The following FCHO1 variants were observed in gnomAD, a reference collection of about 807,000 sequenced individuals.
FCHO1 encodes F-BAR domain only protein 1.
FCHO1 carries 45 observed loss-of-function variants against 114.4 expected under a neutral mutation model. The ratio of observed to expected loss-of-function variants is 0.39; its 90% confidence interval spans 0.31 to 0.50. The LOEUF (loss-of-function observed/expected upper bound fraction) is 0.50. FCHO1 is among the 20% of genes least tolerant of loss of function. FCHO1 has a pLI of 0.77. For synonymous variants in FCHO1, 480 were observed against 488.9 expected (o/e 0.98, Z 0.24); for missense variants, 1,042 against 1,209.6 (o/e 0.86, Z 2.06).
chr19:17,778,616 C>CCCA lies in FCHO1; in HGVS notation c.1359_1360insCCA (p.Ser453_Ser454insPro). 6.4e-7 allele frequency: 1 copy of CCCA among 1,561,456 alleles called. No individual in the cohort carries two copies. Among genetic ancestry groups the CCCA allele is most frequent in the African/African-American group, 1.4e-5 (1 of 73,670 alleles). On this transcript the variant is annotated inframe_insertion, in exon 20 of 29. Transcript: ENST00000596536. ...CCCGCTTCCCTCCCCAAGGCTCTAG[C>CCCA]AGCCTGGGCTTCACCTCCAGCCCCT...
At chr19:17,764,996 G>A (rs938479987) in intron 6 of FCHO1, among the ~76,000 whole-genome samples, 2 of 151,484 alleles carry the variant, frequency 1.3e-5, no homozygotes, top group Middle Eastern at 3.2e-3. Context: ...CCCAGGAGGC[G>A]GAGGTTGCAG....
chr19:17,777,429 G>C (rs919801086), intron 18 of FCHO1, among the ~76,000 whole-genome samples: 1 of 147,726 alleles, frequency 6.8e-6, no homozygotes, highest in Non-Finnish European at 1.5e-5. Flanking sequence ...CCAGCTATTC[G>C]AGAGGGTGAG....
At chr19:17,782,065 A>G (rs1007537297) in intron 23 of FCHO1, among the ~76,000 whole-genome samples, 4 of 145,970 alleles carry the variant, frequency 2.7e-5, no homozygotes, top group African/African-American at 7.8e-5. Context: ...GCAGTGGTGC[A>G]ATCTCGCAAT....
At chr19:17,786,666 G>GGA in intron 27 of FCHO1, 37 bp downstream of exon 27, 4 of 496,984 alleles carry the variant, frequency 8.0e-6, no homozygotes, top group African/African-American at 2.1e-5. Context: ...GGGTGGGAGG[G>GGA]ACTGGGGTCA....
chr19:17,749,391 C>T (rs1039987683), upstream of FCHO1, among the ~76,000 whole-genome samples: 1 of 152,074 alleles, frequency 6.6e-6, no homozygotes, highest in African/African-American at 2.4e-5. Flanking sequence ...TCTGTAAATA[C>T]AGACATGATT....
Position 17,770,701 on chromosome 19 carries a change from C to T in FCHO1, c.490-91C>T, listed in dbSNP as rs2091251804. ...CCTGTGGGTGATCACACCCTGGGTACCCCGAGGAGTTCACCTGCCAGGTGA... is the reference window on the plus strand; with the variant it reads ...CCTGTGGGTGATCACACCCTGGGTATCCCGAGGAGTTCACCTGCCAGGTGA... On this transcript the variant is annotated intron_variant, in intron 8 of 28. Coordinates refer to ENST00000596536, the MANE Select transcript of FCHO1 (RefSeq NM_015122.3). 4 of 1,582,368 alleles carry T rather than the reference C, an allele frequency of 2.5e-6. No individual in the cohort carries two copies. In the Admixed American group the frequency reaches 6.8e-5, roughly 27 times the overall value.
chr19:17,778,946 G>C (rs1484800065), intron 20 of FCHO1, 62 bp downstream of exon 20: 1 of 1,448,170 alleles, frequency 6.9e-7, no homozygotes, highest in Non-Finnish European at 9.1e-7. Context: ...TTGAGCGCCT[G>C]CTTTGGGCAG....
intron 20 of FCHO1, among the ~76,000 whole-genome samples, chr19:17,779,553 CAAGG>C (rs1599745842): frequency 2.3e-5 from 3 of 131,236 alleles, no homozygotes; most frequent in East Asian, 2.2e-4. Flanking sequence ...GGAGCGGAGT[CAAGG>C]GAGGGAGGAG....
chr19:17,766,927 T>A (rs2089436762), intron 7 of FCHO1, 117 bp downstream of exon 7: 1 of 1,118,694 alleles, frequency 8.9e-7, no homozygotes, highest in Non-Finnish European at 1.3e-6. Context: ...AGAATTCCGT[T>A]AATTCCACAA....
chr19:17,752,636 T>A (rs1812396960), intron 1 of FCHO1, among the ~76,000 whole-genome samples: 1 of 149,600 alleles, frequency 6.7e-6, no homozygotes, highest in African/African-American at 2.5e-5. Context: ...TTGTGGCTCA[T>A]GGCTGTAATC....
chr19:17,766,783 C>A lies in FCHO1; in HGVS notation c.309C>A (p.Gly103=). 1 of 1,614,080 alleles carries A rather than the reference C, an allele frequency of 6.2e-7. No individual in the cohort carries two copies. Among genetic ancestry groups the A allele is most frequent in the South Asian group, 1.1e-5 (1 of 91,064 alleles). Reference sequence around the variant, plus strand: ...TCATCAAGGACGTTCTCCGCTACGGCGAGGAACAGCTCAAGACCCACAAGA... The same window carrying A: ...TCATCAAGGACGTTCTCCGCTACGGAGAGGAACAGCTCAAGACCCACAAGA... The part of the protein sequence containing the change: ...QDLIKDVLRY[G]EEQLKTHKKC... Residue 103 remains glycine (G), a synonymous_variant, in exon 7 of 29, where the codon GGC becomes GGA. Coordinates refer to ENST00000596536, the MANE Select transcript of FCHO1 (RefSeq NM_015122.3).
Position 17,770,859 on chromosome 19 carries a change from G to A in FCHO1, c.557G>A (p.Arg186Gln), listed in dbSNP as rs147599881. ...RRSVEKYNSA[R>Q]ADFEQKMLDS... is the part of the protein sequence containing the mutation. ...TCAGTGGAAAAATACAACTCAGCCCGAGCTGACTTTGAGCAGAAGATGCTG... is the reference window on the plus strand; with the variant it reads ...TCAGTGGAAAAATACAACTCAGCCCAAGCTGACTTTGAGCAGAAGATGCTG... The change falls in exon 9 of 29, where the codon CGA becomes CAA. Residue 186 changes from arginine (R) to glutamine (Q), a missense_variant. Physicochemically the swap from Arg to Gln is conservative, Grantham distance 43. This residue lies in a region of FCHO1 where 450 missense variants were observed against 564.1 expected (regional missense o/e 0.80). Coordinates refer to ENST00000596536, the MANE Select transcript of FCHO1 (RefSeq NM_015122.3). 10,108 of 1,614,122 alleles carry A rather than the reference G, an allele frequency of 6.3e-3. 34 individuals are homozygous for A. The highest frequency in any genetic ancestry group is 7.7e-3 in the Non-Finnish European group (9,094 of 1,180,034).
At position 17,777,193 on chromosome 19, in the gene FCHO1, A is replaced by G. The variant is rs118145924; in HGVS notation, c.1259+507A>G. On this transcript the variant is annotated intron_variant, in intron 18 of 28. Transcript: ENST00000596536. ...GTGCTGTTCTAGGGTCTGGGTTCTG[A>G]GACAGGTCTCCCTTCTCAGAGTCAC... Among the ~76,000 whole-genome samples, 273 of 152,244 alleles carry G rather than the reference A, an allele frequency of 1.8e-3. 2 individuals are homozygous for G. Among genetic ancestry groups the G allele is most frequent in the Non-Finnish European group, 2.2e-3 (147 of 68,010 alleles).
chr19:17,783,753 G>T (rs1368042646), intron 24 of FCHO1, among the ~76,000 whole-genome samples: 3 of 151,770 alleles, frequency 2.0e-5, no homozygotes, highest in Non-Finnish European at 4.4e-5. Flanking sequence ...GCTGATTTTT[G>T]TATTTTTAGT....
Position 17,784,747 on chromosome 19 carries a change from C to T in FCHO1, c.2249C>T (p.Ser750Phe), listed in dbSNP as rs764029192. Residue 750 changes from serine to phenylalanine, a missense_variant, in exon 26 of 29, where the codon TCT becomes TTT. Transcript: ENST00000596536. The surrounding 1 kb of genome is among the most constrained non-coding windows in gnomAD (Gnocchi z 5.3). ...TAGTTCTCCCGCCCGGGTCCCCAGT[C>T]TGTGCCTCTGCAGCTCAGTGCCCAC... ...RYQFSRPGPQ[S>F]VPLQLSAHWQ... is the part of the protein sequence containing the mutation. The T allele has an allele frequency of 6.2e-7, 1 of 1,614,110 alleles. No homozygotes were observed. Among genetic ancestry groups the T allele is most frequent in the African/African-American group, 1.3e-5 (1 of 75,056 alleles).
At chr19:17,783,690 C>G (rs1297278611) in intron 24 of FCHO1, among the ~76,000 whole-genome samples, 1 of 151,998 alleles carries the variant, frequency 6.6e-6, no homozygotes, top group Admixed American at 6.6e-5. Context: ...AAGTGATTCT[C>G]TTGCCTCAGC....
At chr19:17,783,904 C>T (rs1269910717) in intron 24 of FCHO1, among the ~76,000 whole-genome samples, 199 bp from the exon 25 acceptor site, 1 of 152,160 alleles carries the variant, frequency 6.6e-6, no homozygotes, top group African/African-American at 2.4e-5. Flanking sequence ...TGCTGTGTGG[C>T]GTGGGGCAAG....
intron 5 of FCHO1, among the ~76,000 whole-genome samples, chr19:17,763,395 C>G (rs1179895223): frequency 6.6e-6 from 1 of 151,318 alleles, no homozygotes; most frequent in African/African-American, 2.4e-5. Flanking sequence ...TCCCAAGTAG[C>G]TGAGACTACA....
intron 7 of FCHO1, among the ~76,000 whole-genome samples, chr19:17,769,009 C>T (rs1191124379): frequency 6.6e-6 from 1 of 151,306 alleles, no homozygotes; most frequent in South Asian, 2.1e-4. Flanking sequence ...GGCACAGTGA[C>T]TTATGTCTGT....
Sources: allele counts gnomAD v4.1 joint callset (sites outside exome capture counted in the v4.1 genomes callset), GRCh38; gene constraint gnomAD v4.1.1; regional missense constraint gnomAD v4.1.1; non-coding constraint Gnocchi (gnomAD v3.1); transcripts MANE v1.5; gene names NCBI Gene and HGNC (gene_info 2026-07-23, HGNC 2026-07-21).